The following CADM2 variants were observed in gnomAD, a reference collection of about 807,000 sequenced individuals.
CADM2 encodes the protein cell adhesion molecule 2, also known as immunoglobulin superfamily member 4D.
Under a neutral mutation model 49.8 loss-of-function variants are expected in CADM2, and 12 were observed. That is an observed-to-expected ratio of 0.24 (90% confidence interval 0.15 to 0.39). CADM2 has a LOEUF of 0.39. Among genes scored for constraint, CADM2 ranks in the 10% least tolerant of loss-of-function variants. The probability of loss-of-function intolerance (pLI) is 1.00; values close to 1 mark genes in which losing one functional copy is unlikely to be tolerated. For missense variants in CADM2, 378 were observed against 492.3 expected (o/e 0.77, Z 2.20); for synonymous variants, 214 against 175.4 (o/e 1.22, Z -1.74).
At chr3:85,061,840 G>T (rs1015029833) in intron 1 of CADM2, among the ~76,000 whole-genome samples, 2 of 152,002 alleles carry the variant, frequency 1.3e-5, no homozygotes, top group African/African-American at 4.8e-5. Flanking sequence ...CTTAATAGTT[G>T]ATTTGCATAG....
chr3:84,986,155 A>G (rs1161731148), intron 1 of CADM2, among the ~76,000 whole-genome samples: 2 of 152,236 alleles, frequency 1.3e-5, no homozygotes, highest in African/African-American at 4.8e-5. Flanking sequence ...TCAAGCAACA[A>G]TAGTTACTGC....
chr3:85,443,354 AC>A (rs1161477635), intron 1 of CADM2, among the ~76,000 whole-genome samples: 1 of 152,144 alleles, frequency 6.6e-6, no homozygotes. Flanking sequence ...TACTCATCAA[AC>A]CAATACTTCA....
intron 3 of CADM2, among the ~76,000 whole-genome samples, chr3:85,843,899 G>T (rs73845694): frequency 0.052 from 7,822 of 151,544 alleles, 563 homozygotes; most frequent in African/African-American, 0.16. Context: ...TGTGTGTGTG[G>T]GGGGGGAGCG....
chr3:85,998,596 G>A (rs1299737434), intron 8 of CADM2, among the ~76,000 whole-genome samples: 2 of 152,034 alleles, frequency 1.3e-5, no homozygotes, highest in Non-Finnish European at 2.9e-5. Flanking sequence ...TTATTCTATA[G>A]ATAGAAATAA....
In CADM2 at chr3:85,330,811, A is replaced by ATG. The variant is rs1559783281; in HGVS notation, c.61+371144_61+371145insGT. On this transcript the variant is annotated intron_variant, in intron 1 of 9. Transcript: ENST00000383699. Reference sequence around the variant, plus strand: ...ATCTCTCCAAAAAAAAAAAAAAAAAATAGCTCGGCACGGTGGTGTGTGTGC... The same window carrying ATG: ...ATCTCTCCAAAAAAAAAAAAAAAAAATGTAGCTCGGCACGGTGGTGTGTGTGC... 1.9e-3 allele frequency among the ~76,000 whole-genome samples: 282 copies of ATG among 150,368 alleles called. 1 individual carries two copies. Among genetic ancestry groups the ATG allele is most frequent in the African/African-American group, 6.7e-3 (272 of 40,706 alleles).
chr3:85,713,994 T>C (rs906993015), intron 1 of CADM2, among the ~76,000 whole-genome samples: 3 of 152,202 alleles, frequency 2.0e-5, no homozygotes, highest in Non-Finnish European at 4.4e-5. Context: ...GGTCACATTT[T>C]ATCTTGCTCA....
At chr3:85,926,808 G>A (rs952741869) in intron 6 of CADM2, among the ~76,000 whole-genome samples, 6 of 152,154 alleles carry the variant, frequency 3.9e-5, no homozygotes, top group African/African-American at 1.2e-4. Context: ...TACACAATAT[G>A]CAGATCATAT....
At chr3:85,009,949 A>G in intron 1 of CADM2, among the ~76,000 whole-genome samples, 1 of 151,668 alleles carries the variant, frequency 6.6e-6, no homozygotes, top group Non-Finnish European at 1.5e-5. Context: ...GCTAAATAAG[A>G]TAAAGGATAT....
intron 1 of CADM2, among the ~76,000 whole-genome samples, chr3:85,292,310 A>G (rs2043822297): frequency 6.6e-6 from 1 of 150,558 alleles, no homozygotes; most frequent in African/African-American, 2.5e-5. Flanking sequence ...TGACCTACAA[A>G]GAGACTTAGA....
intron 1 of CADM2, among the ~76,000 whole-genome samples, chr3:85,365,995 A>G (rs2032755250): frequency 6.6e-6 from 1 of 152,128 alleles, no homozygotes; most frequent in Non-Finnish European, 1.5e-5. Flanking sequence ...GTACTTCCCA[A>G]CTACTCCTTA....
At chr3:85,306,160 G>T (rs1175508611) in intron 1 of CADM2, among the ~76,000 whole-genome samples, 1 of 151,636 alleles carries the variant, frequency 6.6e-6, no homozygotes, top group African/African-American at 2.4e-5. Flanking sequence ...AGGCGGTTCA[G>T]TCACAGATTT....
At chr3:84,969,397 G>C (rs2107080163) in intron 1 of CADM2, among the ~76,000 whole-genome samples, 1 of 151,806 alleles carries the variant, frequency 6.6e-6, no homozygotes, top group South Asian at 2.1e-4. Context: ...GCATTTATGT[G>C]TTCTTATTTC....
At chr3:85,735,113 A>G (rs563969964) in intron 2 of CADM2, among the ~76,000 whole-genome samples, 43 of 152,120 alleles carry the variant, frequency 2.8e-4, no homozygotes, top group African/African-American at 9.6e-4. Flanking sequence ...GAAATACATC[A>G]GTTTAAGAAA....
At chr3:85,651,895 G>A (rs556658054) in intron 1 of CADM2, among the ~76,000 whole-genome samples, 8 of 148,724 alleles carry the variant, frequency 5.4e-5, no homozygotes, top group South Asian at 2.1e-4. Flanking sequence ...TCGGCTCACT[G>A]CAAGCTCTGC....
intron 8 of CADM2, among the ~76,000 whole-genome samples, chr3:86,006,144 A>G (rs1300396694): frequency 6.6e-6 from 1 of 152,168 alleles, no homozygotes; most frequent in Non-Finnish European, 1.5e-5. Flanking sequence ...TTGCTTCCAA[A>G]TCTTAGCTAT....
intron 1 of CADM2, among the ~76,000 whole-genome samples, chr3:85,183,053 T>C (rs931024194): frequency 2.6e-5 from 4 of 152,110 alleles, no homozygotes; most frequent in African/African-American, 9.6e-5. Flanking sequence ...CTATGCATAA[T>C]TGCAATTTAC....
intron 1 of CADM2, among the ~76,000 whole-genome samples, chr3:85,689,152 T>G (rs907438260): frequency 4.6e-5 from 7 of 152,160 alleles, no homozygotes; most frequent in African/African-American, 1.7e-4. Context: ...TGTCAAAGAA[T>G]GCTGAAAAGG....
At chr3:85,139,504 C>A (rs2039514045) in intron 1 of CADM2, among the ~76,000 whole-genome samples, 1 of 151,802 alleles carries the variant, frequency 6.6e-6, no homozygotes, top group African/African-American at 2.4e-5. Flanking sequence ...TTGTATTTTA[C>A]CAGCTTATAC....
chr3:85,468,717 G>A (rs948703343), intron 1 of CADM2, among the ~76,000 whole-genome samples: 9 of 152,160 alleles, frequency 5.9e-5, no homozygotes. Flanking sequence ...GATACATTAA[G>A]TGGGGACTTA....
Sources: allele counts gnomAD v4.1 joint callset (sites outside exome capture counted in the v4.1 genomes callset), GRCh38; gene constraint gnomAD v4.1.1; transcripts MANE v1.5; gene names NCBI Gene and HGNC (gene_info 2026-07-23, HGNC 2026-07-21).